DLC1: variants seen among roughly 807,000 people sequenced by gnomAD.
DLC1 encodes the protein rho GTPase-activating protein 7.
In DLC1, 54 loss-of-function variants were observed where a neutral mutation model predicts 140.3. That is an observed-to-expected ratio of 0.38 (90% confidence interval 0.31 to 0.48). The LOEUF (loss-of-function observed/expected upper bound fraction) is 0.48. DLC1 is among the 20% of genes least tolerant of loss of function. DLC1 has a pLI of 0.96. For synonymous variants in DLC1, 986 were observed against 728.1 expected (o/e 1.35, Z -5.70); for missense variants, 2,536 against 1,907.0 (o/e 1.33, Z -6.14).
intron 5 of DLC1, among the ~76,000 whole-genome samples, chr8:13,255,823 C>T (rs1461998314): frequency 2.0e-5 from 3 of 152,176 alleles, no homozygotes; most frequent in Non-Finnish European, 4.4e-5. Flanking sequence ...TGGCAGAGTG[C>T]CTAACATATA....
intron 5 of DLC1, among the ~76,000 whole-genome samples, chr8:13,132,728 A>T (rs1385187458): frequency 2.0e-5 from 3 of 152,210 alleles, no homozygotes; most frequent in Non-Finnish European, 4.4e-5. Context: ...AAGGTAATCA[A>T]GAGTCACTCC....
At chr8:13,393,495 T>C (rs182134192) in intron 4 of DLC1, 58 bp downstream of exon 4, 46 of 1,542,298 alleles carry the variant, frequency 3.0e-5, no homozygotes, top group Admixed American at 1.1e-4. Flanking sequence ...TATCAACTCT[T>C]ACCTGATGAT....
chr8:13,563,219 T>C (rs1804306383), intron 1 of DLC1, among the ~76,000 whole-genome samples: 2 of 152,174 alleles, frequency 1.3e-5, no homozygotes, highest in African/African-American at 4.8e-5. Context: ...TGGATCCTGA[T>C]TCTAACACTT....
intron 2 of DLC1, among the ~76,000 whole-genome samples, chr8:13,461,169 G>A (rs1339395579): frequency 6.6e-6 from 1 of 152,222 alleles, no homozygotes; most frequent in Non-Finnish European, 1.5e-5. Context: ...ATGATGGTGC[G>A]AGTGCACCCC....
At chr8:13,180,913 C>T (rs1825993737) in intron 5 of DLC1, among the ~76,000 whole-genome samples, 1 of 151,978 alleles carries the variant, frequency 6.6e-6, no homozygotes, top group South Asian at 2.1e-4. Flanking sequence ...TTTTTATTTT[C>T]TTATTCAGAA....
At chr8:13,446,687 T>A (rs1023782334) in intron 2 of DLC1, among the ~76,000 whole-genome samples, 1 of 152,100 alleles carries the variant, frequency 6.6e-6, no homozygotes, top group African/African-American at 2.4e-5. Context: ...ACGCCTGTAA[T>A]CTCAGCACTT....
intron 2 of DLC1, among the ~76,000 whole-genome samples, chr8:13,478,849 T>C (rs1407877160): frequency 6.6e-6 from 1 of 152,230 alleles, no homozygotes. Context: ...CTCGTTCTCC[T>C]TTTTGTTCTT....
intron 2 of DLC1, among the ~76,000 whole-genome samples, chr8:13,424,901 C>T (rs1116379): frequency 0.48 from 73,068 of 151,930 alleles, 18,034 homozygotes; most frequent in Non-Finnish European, 0.53. Flanking sequence ...GAGTATTTAT[C>T]GCAATCTCTG....
chr8:13,449,814 T>A (rs1213965728), intron 2 of DLC1, among the ~76,000 whole-genome samples: 1 of 151,986 alleles, frequency 6.6e-6, no homozygotes, highest in African/African-American at 2.4e-5. Flanking sequence ...AAACTTAAAG[T>A]ATAATAAAAA....
intron 5 of DLC1, among the ~76,000 whole-genome samples, chr8:13,242,957 T>C (rs912657475): frequency 6.6e-6 from 1 of 152,020 alleles, no homozygotes; most frequent in African/African-American, 2.4e-5. Flanking sequence ...TGGGATGTGA[T>C]TGGATCATGG....
Position 13,372,764 on chromosome 8 carries a change from A to T in DLC1, c.1314+20789T>A, listed in dbSNP as rs1414927142. ...TCATCTTAATATTTTCTTTAGCACAAGAGTTTTATTTATATAGAAAAGGGC... is the reference window on the plus strand; with the variant it reads ...TCATCTTAATATTTTCTTTAGCACATGAGTTTTATTTATATAGAAAAGGGC... On this transcript the variant is annotated intron_variant, in intron 4 of 17. Coordinates refer to ENST00000276297, the MANE Select transcript of DLC1 (RefSeq NM_182643.3). Among the ~76,000 whole-genome samples the T allele has an allele frequency of 5.3e-5, 8 of 152,324 alleles. No individual in the cohort carries two copies. The East Asian group carries it at 1.5e-3, about 29-fold the overall frequency.
Position 13,579,343 on chromosome 8 carries a change from ATATATATATATATATATATTTT to A in DLC1, c.-126+25172_-126+25193del, listed in dbSNP as rs1161153657. Among the ~76,000 whole-genome samples, 31 of 28,914 alleles carry A rather than the reference ATATATATATATATATATATTTT, an allele frequency of 1.1e-3. 5 individuals are homozygous for A. The highest frequency in any genetic ancestry group is 3.4e-3 in the African/African-American group (30 of 8,746). 19.0% of individuals were successfully genotyped at this position (28,914 alleles called of 152,430 possible). On this transcript the variant is annotated intron_variant, in intron 1 of 1. Coordinates refer to the DLC1 transcript ENST00000631382. ...TATATATATATATATATATATATAT[ATATATATATATATATATATTTT>A]TATATAATACATATTTATATATTAT...
chr8:13,090,303 T>C lies in DLC1; in HGVS notation c.4023A>G (p.Lys1341=), dbSNP rs371657725. The C allele has an allele frequency of 1.9e-6, 3 of 1,614,104 alleles. No homozygotes were observed. Among genetic ancestry groups the C allele is most frequent in the Non-Finnish European group, 2.5e-6 (3 of 1,180,050 alleles). Residue 1341 remains lysine, a synonymous_variant, in exon 15 of 18, where the codon AAA becomes AAG. Transcript: ENST00000276297. ...CCGAAGTGGAGTAGCTGACCCAGCC[T>C]TTAAACTTCTCTTTGACTTCTTTAA... ...GLFKEVKEKF[K]GWVSYSTSEQ... is the part of the protein sequence containing the mutation.
chr8:13,098,958 C>T (rs1468376123), intron 9 of DLC1, among the ~76,000 whole-genome samples: 4 of 152,112 alleles, frequency 2.6e-5, no homozygotes, highest in African/African-American at 9.7e-5. Context: ...CAATGGGCTG[C>T]TTGCTGGCAT....
At chr8:13,442,123 A>G (rs1798541313) in intron 2 of DLC1, among the ~76,000 whole-genome samples, 1 of 152,238 alleles carries the variant, frequency 6.6e-6, no homozygotes, top group Non-Finnish European at 1.5e-5. Context: ...CTATTTAATA[A>G]ATGGTGCTGG....
intron 1 of DLC1, among the ~76,000 whole-genome samples, chr8:13,534,630 C>T (rs971493593): frequency 6.6e-6 from 1 of 152,078 alleles, no homozygotes; most frequent in African/African-American, 2.4e-5. Context: ...CTAGGAAAAG[C>T]GCCACTGCTC....
chr8:13,361,628 A>G (rs1345337119), intron 4 of DLC1, among the ~76,000 whole-genome samples: 1 of 152,076 alleles, frequency 6.6e-6, no homozygotes, highest in Non-Finnish European at 1.5e-5. Context: ...AATAAGTAGA[A>G]TGTGTTTAAA....
chr8:13,181,639 A>G (rs1826044127), intron 5 of DLC1, among the ~76,000 whole-genome samples: 1 of 152,010 alleles, frequency 6.6e-6, no homozygotes, highest in Non-Finnish European at 1.5e-5. Flanking sequence ...TTACAGCTTC[A>G]TCCATGTCCC....
At chr8:13,165,139 C>T (rs1483384296) in intron 5 of DLC1, among the ~76,000 whole-genome samples, 1 of 152,066 alleles carries the variant, frequency 6.6e-6, no homozygotes, top group Non-Finnish European at 1.5e-5. Context: ...GCAAGTATAC[C>T]TTTTAGTATA....
Sources: allele counts gnomAD v4.1 joint callset (sites outside exome capture counted in the v4.1 genomes callset), GRCh38; gene constraint gnomAD v4.1.1; transcripts MANE v1.5; gene names NCBI Gene and HGNC (gene_info 2026-07-23, HGNC 2026-07-21).